NRDE2: variants seen among roughly 807,000 people sequenced by gnomAD.
The protein encoded by NRDE2 is nuclear exosome regulator NRDE2.
A neutral mutation model predicts 124.2 loss-of-function variants in NRDE2; 76 were observed. The observed-to-expected ratio is 0.61, with a 90% CI of 0.51 to 0.74. The LOEUF (loss-of-function observed/expected upper bound fraction) is 0.74, where lower values mean the gene tolerates loss of function less well. Ranked by LOEUF, NRDE2 falls within the 30% of genes least tolerant of loss-of-function variation. The probability of loss-of-function intolerance (pLI) is 0.00; values close to 1 mark genes in which losing one functional copy is unlikely to be tolerated. For synonymous variants in NRDE2, 489 were observed against 528.1 expected (o/e 0.93, Z 1.01); for missense variants, 1,314 against 1,417.3 (o/e 0.93, Z 1.17).
intron 3 of NRDE2, among the ~76,000 whole-genome samples, chr14:90,315,957 C>CAAAAA (rs59604203): frequency 1.8e-3 from 132 of 74,026 alleles, no homozygotes; most frequent in Admixed American, 2.7e-3. Context: ...AACCCCGTCT[C>CAAAAA]AAAAAAAAAA....
At chr14:90,318,211 G>T in intron 1 of NRDE2, 98 bp from the exon 2 acceptor site, 1 of 850,544 alleles carries the variant, frequency 1.2e-6, no homozygotes, top group African/African-American at 1.7e-5. Flanking sequence ...CTAATTCACA[G>T]CCAATGCCAG....
At chr14:90,286,971 T>A (rs1343410098) in intron 11 of NRDE2, among the ~76,000 whole-genome samples, 1 of 131,202 alleles carries the variant, frequency 7.6e-6, no homozygotes, top group East Asian at 2.2e-4. Context: ...GAGGCGGAGG[T>A]TGCAGTGAGC....
rs752628278 is a variant in NRDE2 at position 90,290,250 on chromosome 14, A to G, written c.2200T>C (p.Phe734Leu). 2.5e-6 allele frequency: 4 copies of G among 1,614,072 alleles called. No homozygotes were observed. Among genetic ancestry groups the G allele is most frequent in the Non-Finnish European group, 3.4e-6 (4 of 1,180,012 alleles). Residue 734 changes from phenylalanine to leucine, a missense_variant, in exon 10 of 14, where the codon TTC becomes CTC. Phe to Leu is a conservative substitution (Grantham distance 22). Transcript: ENST00000354366. Reference protein sequence around the residue: ...FSGKEKSQLCFSWLQYEIAKV... With the variant: ...FSGKEKSQLCLSWLQYEIAKV... Reference sequence around the variant, plus strand: ...GCAATCTCATACTGTAACCAGGAGAAGCAGAGCTGGGACTTCTCTTTGCCT... The same window carrying G: ...GCAATCTCATACTGTAACCAGGAGAGGCAGAGCTGGGACTTCTCTTTGCCT...
chr14:90,286,564 G>C, intron 11 of NRDE2, 72 bp from the exon 12 acceptor site: 3 of 1,543,852 alleles, frequency 1.9e-6, no homozygotes, highest in Non-Finnish European at 2.6e-6. Context: ...AGAGATGCCT[G>C]AGTGATGATA....
chr14:90,322,540 CA>C (rs149225898), intron 1 of NRDE2, among the ~76,000 whole-genome samples: 16 of 150,890 alleles, frequency 1.1e-4, no homozygotes, highest in South Asian at 4.2e-4. Flanking sequence ...TAGAAATCTT[CA>C]AAAAAAAATC....
chr14:90,288,428 G>C lies in NRDE2; in HGVS notation c.2947C>G (p.Leu983Val), dbSNP rs773303097. 3 of 1,614,172 alleles carry C rather than the reference G, an allele frequency of 1.9e-6. No homozygotes were observed. Among genetic ancestry groups the C allele is most frequent in the Non-Finnish European group, 2.5e-6 (3 of 1,180,028 alleles). ...AAAGCCTGTGAGAGTGCCTCTCGCA[G>C]AGGGGCCAGCGGGTAAACACTCACT... ...MKVSVYPLAPLREALSQALKL... is the reference protein window; with the variant it reads ...MKVSVYPLAPVREALSQALKL... The change falls in exon 11 of 14, where the codon CTG (leucine) becomes GTG (valine). Residue 983 changes from leucine (L) to valine (V), a missense_variant. By Grantham distance (32) the Leu-to-Val change is conservative. Transcript: ENST00000354366.
chr14:90,310,351 G>A (rs1245273774), intron 4 of NRDE2, among the ~76,000 whole-genome samples: 1 of 152,122 alleles, frequency 6.6e-6, no homozygotes, highest in Non-Finnish European at 1.5e-5. Context: ...ATGATCTTGC[G>A]CAGTTACTTA....
intron 11 of NRDE2, among the ~76,000 whole-genome samples, chr14:90,287,031 C>A (rs1265146417): frequency 6.8e-5 from 2 of 29,428 alleles, no homozygotes; most frequent in East Asian, 7.9e-4. Flanking sequence ...GAGACTCCGT[C>A]TCAAAAAAAA....
intron 4 of NRDE2, among the ~76,000 whole-genome samples, chr14:90,307,898 G>C (rs995015566): frequency 6.6e-6 from 1 of 152,138 alleles, no homozygotes; most frequent in South Asian, 2.1e-4. Context: ...TGGGACTTCA[G>C]GCACATGCCA....
Position 90,272,306 on chromosome 14 carries a change from A to C in NRDE2, c.*6030T>G. 6.2e-7 allele frequency: 1 copy of C among 1,604,194 alleles called. No individual in the cohort carries two copies. The highest frequency in any genetic ancestry group is 1.3e-5 in the African/African-American group (1 of 74,324). Reference sequence around the variant, plus strand: ...TACAGAAGCTGGTCTGATGGCCTTAAGAGAACGTAGAATGAAAGTAACAAA... The same window carrying C: ...TACAGAAGCTGGTCTGATGGCCTTACGAGAACGTAGAATGAAAGTAACAAA... On this transcript the variant is annotated 3_prime_UTR_variant, in exon 14 of 14. Coordinates refer to ENST00000354366, the MANE Select transcript of NRDE2 (RefSeq NM_017970.4). This position sits in a 1 kb window ranked among gnomAD's most constrained non-coding sequence, Gnocchi z 4.5.
chr14:90,316,522 A>T, intron 3 of NRDE2, 56 bp downstream of exon 3: 1 of 1,251,950 alleles, frequency 8.0e-7, no homozygotes, highest in Non-Finnish European at 1.1e-6. Flanking sequence ...GGCAACAATT[A>T]AGGGAGAAAA....
chr14:90,305,810 A>C (rs1245125643), intron 4 of NRDE2, among the ~76,000 whole-genome samples: 1 of 152,246 alleles, frequency 6.6e-6, no homozygotes, highest in African/African-American at 2.4e-5. Context: ...AGCACGAGGA[A>C]ACTTCTGGCG....
rs1891611693 is a variant in NRDE2, at chr14:90,269,674, T to C, written c.*8662A>G. On this transcript the variant is annotated 3_prime_UTR_variant, in exon 14 of 14. Transcript: ENST00000354366. ...TACTGCAGTGAAACTTAGGATAATT[T>C]ACAAAAAAATAGGTCCTCTTGAGAT... 3 of 1,064,798 alleles carry C rather than the reference T, an allele frequency of 2.8e-6. No homozygotes were observed. Among genetic ancestry groups the C allele is most frequent in the Non-Finnish European group, 2.7e-6 (2 of 741,282 alleles). 66.0% of individuals were successfully genotyped at this position (1,064,798 alleles called of 1,614,324 possible).
At chr14:90,289,532 C>G (rs1230429773) in intron 10 of NRDE2, among the ~76,000 whole-genome samples, 2 of 152,220 alleles carry the variant, frequency 1.3e-5, no homozygotes, top group Non-Finnish European at 2.9e-5. Context: ...GAGGACAGAA[C>G]AGCTGATCCA....
intron 10 of NRDE2, among the ~76,000 whole-genome samples, chr14:90,289,967 G>A (rs1191716897): frequency 6.6e-6 from 1 of 152,160 alleles, no homozygotes; most frequent in African/African-American, 2.4e-5. Flanking sequence ...ATGTAAGGAC[G>A]GGGACCTGGT....
At position 90,288,909 on chromosome 14, in the gene NRDE2, C is replaced by T; in HGVS notation, c.2466G>A (p.Glu822=). ...CCAGCTCAGCATAGAGCAGACTGAG[C>T]TCACAGAGGTCAGAGTCTTTCAGTT... ...SRELKDSDLC[E]LSLLYAELEV... is the part of the protein sequence containing the mutation. The change falls in exon 11 of 14, where the codon GAG becomes GAA. Residue 822 remains glutamate, a synonymous_variant. Coordinates refer to ENST00000354366, the MANE Select transcript of NRDE2 (RefSeq NM_017970.4). 6.2e-7 allele frequency: 1 copy of T among 1,613,992 alleles called. No homozygotes were observed.
intron 1 of NRDE2, among the ~76,000 whole-genome samples, chr14:90,326,604 A>AG (rs1885450340): frequency 6.6e-6 from 1 of 152,106 alleles, no homozygotes; most frequent in African/African-American, 2.4e-5. Context: ...GTTAGTCTGC[A>AG]GGGGAAGGAA....
intron 12 of NRDE2, among the ~76,000 whole-genome samples, chr14:90,284,667 C>G (rs1308741853): frequency 6.6e-6 from 1 of 152,146 alleles, no homozygotes; most frequent in Non-Finnish European, 1.5e-5. Context: ...CCACACCTGG[C>G]CAGGAAGATC....
chr14:90,303,541 CCTCT>C (rs1358229108), intron 5 of NRDE2, among the ~76,000 whole-genome samples: 1 of 152,118 alleles, frequency 6.6e-6, no homozygotes, highest in Admixed American at 6.5e-5. Context: ...ACTGAACAGC[CCTCT>C]CTCTTTCACA....
Sources: allele counts gnomAD v4.1 joint callset (sites outside exome capture counted in the v4.1 genomes callset), GRCh38; gene constraint gnomAD v4.1.1; non-coding constraint Gnocchi (gnomAD v3.1); transcripts MANE v1.5; gene names NCBI Gene and HGNC (gene_info 2026-07-23, HGNC 2026-07-21).